Variants in SNX19 observed in about 807,000 individuals in gnomAD.
SNX19 encodes sorting nexin 19.
A neutral mutation model predicts 85.2 loss-of-function variants in SNX19; 60 were observed. The ratio of observed to expected loss-of-function variants is 0.70; its 90% confidence interval spans 0.57 to 0.87. SNX19 has a LOEUF of 0.87. Ranked by LOEUF, SNX19 falls within the 40% of genes least tolerant of loss-of-function variation. The probability of loss-of-function intolerance (pLI) is 0.00; values close to 1 mark genes in which losing one functional copy is unlikely to be tolerated. For missense variants in SNX19, 1,201 were observed against 1,217.8 expected (o/e 0.99, Z 0.21); for synonymous variants, 520 against 470.0 (o/e 1.11, Z -1.38).
rs964554878 is a variant in SNX19, at chr11:130,868,699, G to T, written c.*9723C>A. On this transcript the variant is annotated 3_prime_UTR_variant, in exon 11 of 11. Transcript: ENST00000265909. ...ACCCCCCGACCACACCCCATGCCCA[G>T]TATACTCTTAGAGCAGAGAGGAGGT... 4 of 152,138 alleles carry T rather than the reference G, an allele frequency of 2.6e-5. No homozygotes were observed. Among genetic ancestry groups the T allele is most frequent in the Non-Finnish European group, 5.9e-5 (4 of 68,102 alleles). 9.4% of individuals were successfully genotyped at this position (152,138 alleles called of 1,614,324 possible). A position where few individuals can be genotyped will look rare whatever the true frequency, so the allele number is the denominator to read the frequency against.
rs1371903765 is a variant in SNX19 at position 130,867,760 on chromosome 11, T to A, written c.*10662A>T. On this transcript the variant is annotated 3_prime_UTR_variant, in exon 11 of 11. Transcript: ENST00000265909. ...CCATGTGCTAAGAGACAGCTTCTGCTCCCTATCTGATATTACCAAGCTGGA... is the reference window on the plus strand; with the variant it reads ...CCATGTGCTAAGAGACAGCTTCTGCACCCTATCTGATATTACCAAGCTGGA... The A allele has an allele frequency of 2.6e-5, 4 of 152,150 alleles. No homozygotes were observed. Among genetic ancestry groups the A allele is most frequent in the Admixed American group, 2.6e-4 (4 of 15,270 alleles). The allele number at this position is 152,150 out of a possible 1,614,324, so 9.4% of individuals were successfully genotyped here.
Position 130,888,272 on chromosome 11 carries a change from C to T in SNX19, c.2574-7466G>A, listed in dbSNP as rs950854455. On this transcript the variant is annotated intron_variant, in intron 8 of 10. Coordinates refer to ENST00000265909, the MANE Select transcript of SNX19 (RefSeq NM_014758.3). Reference sequence around the variant, plus strand: ...TCATCATCTAGAGTTTTAACTACTCCTCTAAGATTAGAATTACTTGCAAAT... The same window carrying T: ...TCATCATCTAGAGTTTTAACTACTCTTCTAAGATTAGAATTACTTGCAAAT... Among the ~76,000 whole-genome samples, 4 of 152,080 alleles carry T rather than the reference C, an allele frequency of 2.6e-5. No homozygotes were observed. The South Asian group carries it at 8.3e-4, about 31-fold the overall frequency.
intron 8 of SNX19, chr11:130,903,005 G>C: frequency 2.6e-6 from 1 of 386,644 alleles, no homozygotes; most frequent in Non-Finnish European, 4.7e-6. Flanking sequence ...AAGTATTTTA[G>C]GATCACACAC....
At chr11:130,879,149 C>A (rs1479170889) in intron 10 of SNX19, among the ~76,000 whole-genome samples, 1 of 152,200 alleles carries the variant, frequency 6.6e-6, no homozygotes, top group Non-Finnish European at 1.5e-5. Flanking sequence ...TGATATGAAG[C>A]AAAGACAACT....
intron 8 of SNX19, among the ~76,000 whole-genome samples, chr11:130,882,590 C>T (rs1002115649): frequency 8.5e-5 from 13 of 152,202 alleles, no homozygotes; most frequent in African/African-American, 2.7e-4. Flanking sequence ...ATAGCCAACA[C>T]GATCGTATTT....
intron 7 of SNX19, among the ~76,000 whole-genome samples, chr11:130,904,049 C>A (rs545251441): frequency 6.6e-6 from 1 of 152,324 alleles, no homozygotes; most frequent in South Asian, 2.1e-4. Context: ...GAACACCACA[C>A]CTCTGGTAAA....
Position 130,877,538 on chromosome 11 carries a change from C to T in SNX19, c.*884G>A, listed in dbSNP as rs1424654546. 3 of 152,374 alleles carry T rather than the reference C, an allele frequency of 2.0e-5. No individual in the cohort carries two copies. Among genetic ancestry groups the T allele is most frequent in the African/African-American group, 7.2e-5 (3 of 41,452 alleles). The allele number at this position is 152,374 out of a possible 1,614,324, so 9.4% of individuals were successfully genotyped here. On this transcript the variant is annotated 3_prime_UTR_variant, in exon 11 of 11. Coordinates refer to ENST00000265909, the MANE Select transcript of SNX19 (RefSeq NM_014758.3). Reference sequence around the variant, plus strand: ...GCATTCTTAAGACAGGAGGCAAGTGCTTTCCATTCTCCTTGGAAAAACTGA... The same window carrying T: ...GCATTCTTAAGACAGGAGGCAAGTGTTTTCCATTCTCCTTGGAAAAACTGA...
chr11:130,902,547 G>A (rs911986235), intron 8 of SNX19, among the ~76,000 whole-genome samples: 1 of 152,184 alleles, frequency 6.6e-6, no homozygotes, highest in Non-Finnish European at 1.5e-5. Context: ...TTCAAAACAA[G>A]AGTAGCCAAA....
At position 130,870,404 on chromosome 11, in the gene SNX19, C is replaced by T. The variant is rs1389829889; in HGVS notation, c.*8018G>A. Among the ~76,000 whole-genome samples the T allele has an allele frequency of 6.6e-6, 1 of 152,244 alleles. No individual in the cohort carries two copies. Among genetic ancestry groups the T allele is most frequent in the Non-Finnish European group, 1.5e-5 (1 of 68,050 alleles). On this transcript the variant is annotated 3_prime_UTR_variant, in exon 11 of 11. Transcript: ENST00000265909. The stretch of plus-strand genomic sequence containing the variant: ...AACCCACATGGGTGCAGGGTGCACA[C>T]CTGAACAGGGGGTAGCCTCTGATGA...
At position 130,914,555 on chromosome 11, in the gene SNX19, G is replaced by GT; in HGVS notation, c.1384dup (p.Thr462AsnfsTer29). 1 of 1,613,982 alleles carries GT rather than the reference G, an allele frequency of 6.2e-7. No homozygotes were observed. Among genetic ancestry groups the GT allele is most frequent in the Middle Eastern group, 1.7e-4 (1 of 6,056 alleles). Reference sequence around the variant, plus strand: ...CTCCAGCAAAGCTGTAACAGAGGCGGTAACATCTCCTTGTTCTATCTCCTT... The same window carrying GT: ...CTCCAGCAAAGCTGTAACAGAGGCGGTTAACATCTCCTTGTTCTATCTCCTT... On this transcript the variant is annotated frameshift_variant, in exon 1 of 11. Transcript: ENST00000265909. LOFTEE classifies it high-confidence loss of function.
At chr11:130,890,697 C>T (rs1053337484) in intron 8 of SNX19, among the ~76,000 whole-genome samples, 7 of 152,092 alleles carry the variant, frequency 4.6e-5, no homozygotes, top group Non-Finnish European at 7.4e-5. Context: ...CCGCTGGCAA[C>T]GCCCCACATT....
At chr11:130,891,133 C>A (rs1171300804) in intron 8 of SNX19, among the ~76,000 whole-genome samples, 2 of 152,108 alleles carry the variant, frequency 1.3e-5, no homozygotes, top group African/African-American at 4.8e-5. Context: ...TTTAAAAAAT[C>A]ATGGACAATA....
chr11:130,914,583 C>T lies in SNX19; in HGVS notation c.1357G>A (p.Asp453Asn). ...SCPEIHIDTA[D>N]KEIEQGDVTA... ...ACATCTCCTTGTTCTATCTCCTTGTCTGCTGTGTCAATATGGATCTCTGGG... is the reference window on the plus strand; with the variant it reads ...ACATCTCCTTGTTCTATCTCCTTGTTTGCTGTGTCAATATGGATCTCTGGG... Residue 453 changes from aspartate (D) to asparagine (N), a missense_variant, in exon 1 of 11, where the codon GAC becomes AAC. Physicochemically the swap from Asp to Asn is conservative, Grantham distance 23. This residue lies in a region of SNX19 where 791 missense variants were observed against 750.9 expected (regional missense o/e 1.05). Transcript: ENST00000265909. 1 of 1,614,000 alleles carries T rather than the reference C, an allele frequency of 6.2e-7. No individual in the cohort carries two copies. Among genetic ancestry groups the T allele is most frequent in the African/African-American group, 1.3e-5 (1 of 75,052 alleles).
chr11:130,909,821 T>C (rs1945954386), intron 4 of SNX19, among the ~76,000 whole-genome samples, 197 bp downstream of exon 4: 1 of 152,220 alleles, frequency 6.6e-6, no homozygotes, highest in South Asian at 2.1e-4. Context: ...AGCTGTTTCC[T>C]GTGATTCAGC....
At chr11:130,895,887 G>T (rs1157642283) in intron 8 of SNX19, among the ~76,000 whole-genome samples, 4 of 152,138 alleles carry the variant, frequency 2.6e-5, no homozygotes, top group Non-Finnish European at 4.4e-5. Flanking sequence ...AATATGACAG[G>T]CAGACCACTC....
chr11:130,882,539 C>T (rs1404992264), intron 8 of SNX19, among the ~76,000 whole-genome samples: 1 of 152,162 alleles, frequency 6.6e-6, no homozygotes, highest in African/African-American at 2.4e-5. Flanking sequence ...TGGCAGCCAT[C>T]GATGGAGATC....
At chr11:130,913,304 C>A (rs1946288700) in intron 1 of SNX19, among the ~76,000 whole-genome samples, 1 of 152,174 alleles carries the variant, frequency 6.6e-6, no homozygotes, top group Non-Finnish European at 1.5e-5. Context: ...TTATACCAGT[C>A]CTTTGAGGCT....
At chr11:130,893,552 G>C (rs957001977) in intron 8 of SNX19, among the ~76,000 whole-genome samples, 1 of 152,122 alleles carries the variant, frequency 6.6e-6, no homozygotes, top group African/African-American at 2.4e-5. Context: ...CCTGTCTACA[G>C]GCTGAAATGT....
intron 8 of SNX19, chr11:130,895,028 T>C: frequency 2.0e-6 from 2 of 985,350 alleles, no homozygotes; most frequent in South Asian, 4.7e-5. Flanking sequence ...GACTTCAAAG[T>C]CCAAGTTCTT....
Sources: gnomAD v4.1 joint callset for allele counts (sites outside exome capture counted in the v4.1 genomes callset) on GRCh38, gnomAD v4.1.1 for gene constraint, gnomAD v4.1.1 regional missense constraint, MANE v1.5 for transcripts, NCBI Gene and HGNC (gene_info 2026-07-23, HGNC 2026-07-21) for gene names.